STPG2: variants seen among roughly 807,000 people sequenced by gnomAD.
STPG2 encodes sperm-tail PG-rich repeat-containing protein 2.
STPG2 carries 56 observed loss-of-function variants against 54.2 expected under a neutral mutation model. That is an observed-to-expected ratio of 1.03 (90% CI 0.83 to 1.29). STPG2 has a LOEUF of 1.29. STPG2 is among the 50% of genes most tolerant of loss of function. The pLI, the probability that STPG2 is intolerant of heterozygous loss-of-function variation, is 0.00. For missense variants in STPG2, 596 were observed against 544.9 expected, an observed-to-expected ratio of 1.09 and a Z score of -0.93; for synonymous variants, 200 against 181.8, an observed-to-expected ratio of 1.10 and a Z score of -0.81.
At chr4:97,455,032 GA>G (rs1300742127) in intron 4 of STPG2, among the ~76,000 whole-genome samples, 1 of 151,660 alleles carries the variant, frequency 6.6e-6, no homozygotes, top group African/African-American at 2.4e-5. Flanking sequence ...TGTTATTGGT[GA>G]AAAAAAGAAA....
chr4:97,812,418 T>C (rs1727768479), intron 9 of STPG2, among the ~76,000 whole-genome samples: 7 of 152,148 alleles, frequency 4.6e-5, no homozygotes, highest in Admixed American at 4.6e-4. Flanking sequence ...GTCACATTTA[T>C]AACCTGTTCC....
At chr4:97,726,008 A>T (rs1724612509) in intron 9 of STPG2, among the ~76,000 whole-genome samples, 1 of 151,936 alleles carries the variant, frequency 6.6e-6, no homozygotes, top group Non-Finnish European at 1.5e-5. Context: ...AAGAAAAAAA[A>T]GTAAGATCAA....
At chr4:97,728,120 A>G (rs1724679710) in intron 9 of STPG2, among the ~76,000 whole-genome samples, 2 of 152,024 alleles carry the variant, frequency 1.3e-5, no homozygotes, top group African/African-American at 4.8e-5. Flanking sequence ...TATGAACCAA[A>G]GAATTCTGTT....
At chr4:98,076,293 C>T (rs1410433194) in intron 5 of STPG2, among the ~76,000 whole-genome samples, 1 of 150,814 alleles carries the variant, frequency 6.6e-6, no homozygotes, top group Non-Finnish European at 1.5e-5. Context: ...TCCACGTAAT[C>T]CAATATGAAA....
intron 5 of STPG2, among the ~76,000 whole-genome samples, chr4:98,064,259 CTAATT>C (rs1737755096): frequency 6.6e-6 from 1 of 152,210 alleles, no homozygotes; most frequent in Middle Eastern, 3.4e-3. Flanking sequence ...ATGAAGTTAC[CTAATT>C]TATTTTATGA....
intron 8 of STPG2, among the ~76,000 whole-genome samples, chr4:97,928,490 T>C (rs1164644066): frequency 6.6e-6 from 1 of 152,192 alleles, no homozygotes; most frequent in Non-Finnish European, 1.5e-5. Context: ...AAATAATACC[T>C]TCACTTCATA....
At chr4:97,589,603 T>A (rs1472216149) in intron 10 of STPG2, among the ~76,000 whole-genome samples, 1 of 152,134 alleles carries the variant, frequency 6.6e-6, no homozygotes, top group Non-Finnish European at 1.5e-5. Flanking sequence ...TTAGCCTCTG[T>A]AAATCCTATT....
chr4:97,526,020 A>G (rs752125160), intron 4 of STPG2, among the ~76,000 whole-genome samples: 4 of 152,112 alleles, frequency 2.6e-5, no homozygotes, highest in Non-Finnish European at 4.4e-5. Context: ...TAAACCATTC[A>G]TAACACCATT....
chr4:97,988,448 C>G (rs2710862), intron 5 of STPG2, among the ~76,000 whole-genome samples: 126,941 of 152,082 alleles, frequency 0.83, 53,160 homozygotes, highest in Middle Eastern at 0.94. Context: ...GAGTATAAAA[C>G]AGTACCTGAA....
At chr4:97,909,964 C>T (rs1055735840) in intron 8 of STPG2, among the ~76,000 whole-genome samples, 2 of 152,102 alleles carry the variant, frequency 1.3e-5, no homozygotes, top group African/African-American at 4.8e-5. Flanking sequence ...TAATAATATT[C>T]ATAGGATTTG....
At chr4:97,665,357 A>G (rs1722492599) in intron 10 of STPG2, among the ~76,000 whole-genome samples, 1 of 152,196 alleles carries the variant, frequency 6.6e-6, no homozygotes, top group Admixed American at 6.5e-5. Context: ...ATTGAGCAAT[A>G]GAACAGCTCA....
chr4:97,777,227 C>T (rs766265842), intron 9 of STPG2, among the ~76,000 whole-genome samples: 9 of 152,152 alleles, frequency 5.9e-5, no homozygotes, highest in Non-Finnish European at 1.2e-4. Flanking sequence ...TACTGTTAGG[C>T]CTTCAGCTTA....
intron 10 of STPG2, among the ~76,000 whole-genome samples, chr4:97,642,671 T>C (rs1721797585): frequency 6.6e-6 from 1 of 151,504 alleles, no homozygotes; most frequent in African/African-American, 2.4e-5. Context: ...ATAATTATTT[T>C]ACTGATTTTA....
At chr4:97,954,151 T>C (rs535562282) in intron 7 of STPG2, among the ~76,000 whole-genome samples, 35 of 152,058 alleles carry the variant, frequency 2.3e-4, no homozygotes, top group Non-Finnish European at 4.9e-4. Context: ...AGGAAATGAG[T>C]AGTTTACAAA....
intron 10 of STPG2, among the ~76,000 whole-genome samples, chr4:97,652,911 T>C (rs1722110775): frequency 1.3e-5 from 2 of 152,072 alleles, no homozygotes; most frequent in African/African-American, 4.8e-5. Flanking sequence ...TATGAGTTAC[T>C]GGGTACTAAG....
intron 4 of STPG2, among the ~76,000 whole-genome samples, chr4:97,553,815 G>GATT (rs1364581122): frequency 6.6e-6 from 1 of 152,082 alleles, no homozygotes; most frequent in Admixed American, 6.6e-5. Flanking sequence ...TCAATCTTTG[G>GATT]ATTAGTCTAT....
At chr4:97,595,877 T>A (rs1733276076) in intron 10 of STPG2, among the ~76,000 whole-genome samples, 1 of 152,142 alleles carries the variant, frequency 6.6e-6, no homozygotes, top group South Asian at 2.1e-4. Flanking sequence ...GCATAATAAC[T>A]AGCTAACAAC....
In STPG2 at chr4:98,019,466, A is replaced by G. The variant is rs528813237; in HGVS notation, c.613-38148T>C. Among the ~76,000 whole-genome samples the G allele has an allele frequency of 1.1e-3, 163 of 151,952 alleles. 1 individual carries two copies. The highest frequency in any genetic ancestry group is 1.7e-3 in the South Asian group (8 of 4,810). Reference sequence around the variant, plus strand: ...CAGGTAGCATGATGCCTCCGGGTTTATTCTTTTGGCTTAGGATTGACTTGG... The same window carrying G: ...CAGGTAGCATGATGCCTCCGGGTTTGTTCTTTTGGCTTAGGATTGACTTGG... On this transcript the variant is annotated intron_variant, in intron 5 of 10. Coordinates refer to ENST00000295268, the MANE Select transcript of STPG2 (RefSeq NM_174952.3).
chr4:97,694,308 T>G (rs928961692), intron 10 of STPG2, among the ~76,000 whole-genome samples: 1 of 151,332 alleles, frequency 6.6e-6, no homozygotes, highest in Non-Finnish European at 1.5e-5. Flanking sequence ...CCAAATAAGC[T>G]CAATTAGAAA....
Sources: allele counts gnomAD v4.1 joint callset (sites outside exome capture counted in the v4.1 genomes callset), GRCh38; gene constraint gnomAD v4.1.1; transcripts MANE v1.5; gene names NCBI Gene and HGNC (gene_info 2026-07-23, HGNC 2026-07-21).